The following MUC5B variants were observed in gnomAD, a reference collection of about 807,000 sequenced individuals.
MUC5B encodes the protein mucin 5B, oligomeric mucus/gel-forming, also known as mucin-5B.
Under a neutral mutation model 376.9 loss-of-function variants are expected in MUC5B, and 116 were observed. That is an observed-to-expected ratio of 0.31 (90% CI 0.26 to 0.36). The LOEUF is 0.36. MUC5B is among the 10% of genes least tolerant of loss of function. The probability of loss-of-function intolerance (pLI) is 1.00; values close to 1 mark genes in which losing one functional copy is unlikely to be tolerated. For synonymous variants in MUC5B, 3,517 were observed against 3,390.9 expected (o/e 1.04, Z -1.29); for missense variants, 7,165 against 7,769.9 (o/e 0.92, Z 2.93).
chr11:1,232,226 C>T, intron 15 of MUC5B, 66 bp downstream of exon 15: 3 of 1,495,102 alleles, frequency 2.0e-6, no homozygotes, highest in Non-Finnish European at 2.7e-6. Flanking sequence ...TTCCTGTCCC[C>T]TGGGCCACGG....
chr11:1,260,211 G>A, intron 46 of MUC5B, 126 bp downstream of exon 46: 1 of 1,408,312 alleles, frequency 7.1e-7, no homozygotes, highest in Non-Finnish European at 9.6e-7. Flanking sequence ...CCCCTGCCTG[G>A]GAAGCCCCAC....
In MUC5B at chr11:1,232,733, G is replaced by A. The variant is rs1269996286; in HGVS notation, c.2028G>A (p.Lys676=). 1.2e-6 allele frequency: 2 copies of A among 1,601,752 alleles called. No homozygotes were observed. The highest frequency in any genetic ancestry group is 1.7e-6 in the Non-Finnish European group (2 of 1,174,562). Residue 676 remains lysine, a synonymous_variant, in exon 17 of 49, where the codon AAG becomes AAA. Transcript: ENST00000529681. The part of the protein sequence containing the change: ...LSSYVHACAA[K]GVQLSDWRDG... ...CCTATGTGCACGCCTGTGCCGCCAA[G>A]GGCGTACAGCTCAGCGACTGGAGGG... is the stretch of plus-strand genomic sequence containing the variant.
Position 1,242,098 on chromosome 11 carries a change from C to G in MUC5B, c.5218C>G (p.Pro1740Ala), listed in dbSNP as rs750433104. ...TGTASTASKE[P>A]LTTSLAPTLT... ...CACAGCCAGCACCGCTTCCAAAGAG[C>G]CGCTGACCACGAGCCTGGCGCCAAC... The change falls in exon 31 of 49, where the codon CCG becomes GCG. Residue 1740 changes from proline to alanine, a missense_variant. Pro to Ala is a conservative substitution (Grantham distance 27, BLOSUM62 -1). Coordinates refer to ENST00000529681, the MANE Select transcript of MUC5B (RefSeq NM_002458.3). The G allele has an allele frequency of 1.2e-6, 2 of 1,612,476 alleles. No individual in the cohort carries two copies. Among genetic ancestry groups the G allele is most frequent in the South Asian group, 2.2e-5 (2 of 90,922 alleles).
In MUC5B at chr11:1,234,891, T is replaced by C. The variant is rs1031902097; in HGVS notation, c.2631-194T>C. Among the ~76,000 whole-genome samples the C allele has an allele frequency of 1.4e-4, 21 of 152,014 alleles. No homozygotes were observed. Among genetic ancestry groups the C allele is most frequent in the Admixed American group, 1.1e-3 (17 of 15,272 alleles). On this transcript the variant is annotated intron_variant, in intron 21 of 48. Coordinates refer to ENST00000529681, the MANE Select transcript of MUC5B (RefSeq NM_002458.3). This position sits in a 1 kb window ranked among gnomAD's most constrained non-coding sequence, Gnocchi z 6.3. The stretch of plus-strand genomic sequence containing the variant: ...CTGGAAGGTGGCCCAGGGGCCGTGG[T>C]GCTACCAGGAGCCTGGTGGGGCTGC...
Position 1,233,834 on chromosome 11 carries a change from T to A in MUC5B, c.2363T>A (p.Leu788Gln), listed in dbSNP as rs2133814498. 1 of 1,603,568 alleles carries A rather than the reference T, an allele frequency of 6.2e-7. No individual in the cohort carries two copies. The highest frequency in any genetic ancestry group is 2.3e-5 in the East Asian group (1 of 44,332). Residue 788 changes from leucine (L) to glutamine (Q), a missense_variant, in exon 19 of 49, where the codon CTG (leucine) becomes CAG (glutamine). This residue lies in a region of MUC5B where 530 missense variants were observed against 604.0 expected (regional missense o/e 0.88). Coordinates refer to ENST00000529681, the MANE Select transcript of MUC5B (RefSeq NM_002458.3). ...GGKLSCLGASLQKSTGCAAPM... is the reference protein window; with the variant it reads ...GGKLSCLGASQQKSTGCAAPM... Reference sequence around the variant, plus strand: ...AAGCTAAGCTGCCTGGGAGCCTCTCTGCAGAAAAGCACAGGTAAGTGCCAC... The same window carrying A: ...AAGCTAAGCTGCCTGGGAGCCTCTCAGCAGAAAAGCACAGGTAAGTGCCAC...
In MUC5B at chr11:1,250,814, C is replaced by G. The variant is rs763087878; in HGVS notation, c.13934C>G (p.Thr4645Ser). The G allele has an allele frequency of 5.6e-6, 9 of 1,613,278 alleles. No individual in the cohort carries two copies. Among genetic ancestry groups the G allele is most frequent in the Non-Finnish European group, 7.6e-6 (9 of 1,179,652 alleles). ...STVTPSSIPG[T>S]THTARVLTTT... is the part of the protein sequence containing the mutation. Reference sequence around the variant, plus strand: ...GTGACCCCCTCCTCCATCCCGGGGACCACCCACACCGCCAGAGTGCTGACC... The same window carrying G: ...GTGACCCCCTCCTCCATCCCGGGGAGCACCCACACCGCCAGAGTGCTGACC... Residue 4645 changes from threonine to serine, a missense_variant, in exon 31 of 49, where the codon ACC (threonine) becomes AGC (serine). Thr to Ser is a moderately conservative substitution (Grantham distance 58). Around this residue, in one of 31 missense-constraint regions of MUC5B, gnomAD observed 730 missense variants for 592.7 expected, o/e 1.23. Coordinates refer to ENST00000529681, the MANE Select transcript of MUC5B (RefSeq NM_002458.3).
In MUC5B at chr11:1,232,820, G is replaced by A. The variant is rs549015012; in HGVS notation, c.2065+50G>A. ...ATGTGTCCACACCGCGTGGGGGTGC[G>A]GGGGACCCTGGCCGGCAGCAGCCGT... is the stretch of plus-strand genomic sequence containing the variant. On this transcript the variant is annotated intron_variant, in intron 17 of 48. Transcript: ENST00000529681. 76 of 1,527,618 alleles carry A rather than the reference G, an allele frequency of 5.0e-5. 1 individual carries two copies. In the East Asian group the frequency reaches 6.0e-4, roughly 12 times the overall value. 94.6% of individuals were successfully genotyped at this position (1,527,618 alleles called of 1,614,324 possible).
Position 1,249,363 on chromosome 11 carries a change from C to T in MUC5B, c.12483C>T (p.Ala4161=), listed in dbSNP as rs560797903. ...DFDTYSNIRA[A]GGAVCEQPLG... ...ACACCTACTCCAACATCCGTGCGGC[C>T]GGAGGGGCCGTCTGTGAGCAGCCCC... Residue 4161 remains alanine, a synonymous_variant, in exon 31 of 49, where the codon GCC becomes GCT. Coordinates refer to ENST00000529681, the MANE Select transcript of MUC5B (RefSeq NM_002458.3). The T allele has an allele frequency of 3.7e-4, 598 of 1,610,716 alleles. 1 individual carries two copies. In the Admixed American group the frequency reaches 4.2e-3, roughly 11 times the overall value.
chr11:1,230,806 G>A (rs557262095), intron 12 of MUC5B, 130 bp from the exon 13 acceptor site: 21 of 1,086,582 alleles, frequency 1.9e-5, no homozygotes, highest in African/African-American at 3.2e-5. Flanking sequence ...AGAGCCCACC[G>A]CAGGTCCAGG....
intron 23 of MUC5B, 57 bp from the exon 24 acceptor site, chr11:1,236,329 A>G: frequency 6.5e-7 from 1 of 1,536,382 alleles, no homozygotes. Flanking sequence ...CCTGGGTCTC[A>G]GGCCCCTCCC....
At position 1,240,257 on chromosome 11, in the gene MUC5B, C is replaced by T; in HGVS notation, c.3852C>T (p.Cys1284=). 6.2e-7 allele frequency: 1 copy of T among 1,613,690 alleles called. No homozygotes were observed. Among genetic ancestry groups the T allele is most frequent in the Non-Finnish European group, 8.5e-7 (1 of 1,179,688 alleles). The change falls in exon 30 of 49, where the codon TGC becomes TGT. Residue 1284 remains cysteine (C), a synonymous_variant. Transcript: ENST00000529681. ...IYNTTDGLGA[C]LIAICGSNGT... ...ACACCACCGATGGGCTTGGCGCCTG[C>T]TTGATCGCCATCTGCGGAAGCAACG... is the stretch of plus-strand genomic sequence containing the variant.
chr11:1,237,744 C>T (rs897066158), intron 25 of MUC5B, among the ~76,000 whole-genome samples: 1 of 152,152 alleles, frequency 6.6e-6, no homozygotes, highest in Non-Finnish European at 1.5e-5. Context: ...TGGTGTGTGC[C>T]TGTAATCCCA....
chr11:1,260,204 C>A (rs563808575), intron 46 of MUC5B, 119 bp downstream of exon 46: 5 of 1,431,912 alleles, frequency 3.5e-6, no homozygotes, highest in South Asian at 1.3e-5. Flanking sequence ...GGCCCCACCC[C>A]TGCCTGGGAA....
rs528312869 is a variant in MUC5B at position 1,258,710 on chromosome 11, C to T, written c.16594-232C>T. ...GATTCCTGCCCCCATGGGGTCTCTG[C>T]CCACCCAGATTCCTGCCCACATGGG... On this transcript the variant is annotated intron_variant, in intron 43 of 48. Coordinates refer to ENST00000529681, the MANE Select transcript of MUC5B (RefSeq NM_002458.3). The surrounding 1 kb of genome is among the most constrained non-coding windows in gnomAD (Gnocchi z 5.5). 6.6e-6 allele frequency among the ~76,000 whole-genome samples: 1 copy of T among 152,042 alleles called. No homozygotes were observed. The highest frequency in any genetic ancestry group is 1.9e-4 in the East Asian group (1 of 5,156).
Position 1,247,308 on chromosome 11 carries a change from G to A in MUC5B, c.10428G>A (p.Ser3476=), listed in dbSNP as rs367868062. The change falls in exon 31 of 49, where the codon TCG becomes TCA. Residue 3476 remains serine (S), a synonymous_variant. Transcript: ENST00000529681. ...TVRTAWTSAT[S]GILGTTHITE... is the part of the protein sequence containing the mutation. ...GCACAGCCTGGACTTCGGCCACCTC[G>A]GGCATCTTGGGCACCACCCACATCA... 1.8e-4 allele frequency: 286 copies of A among 1,610,788 alleles called. No individual in the cohort carries two copies. Among genetic ancestry groups the A allele is most frequent in the African/African-American group, 9.9e-4 (74 of 74,514 alleles).
Position 1,239,847 on chromosome 11 carries a change from A to G in MUC5B, c.3632A>G (p.Gln1211Arg). Residue 1211 changes from glutamine to arginine, a missense_variant, in exon 28 of 49, where the codon CAG becomes CGG. By Grantham distance (43) the Gln-to-Arg change is conservative. This residue lies in a region of MUC5B where 517 missense variants were observed against 545.3 expected (regional missense o/e 0.95). Transcript: ENST00000529681. ...PPSQPFFNED[Q>R]MKCVAQCGCY... ...AGCCAGCCCTTCTTCAATGAGGACCAGATGAAGTGCGTGGCCCAGTGTGGC... is the reference window on the plus strand; with the variant it reads ...AGCCAGCCCTTCTTCAATGAGGACCGGATGAAGTGCGTGGCCCAGTGTGGC... 1.9e-6 allele frequency: 3 copies of G among 1,613,162 alleles called. No homozygotes were observed. The highest frequency in any genetic ancestry group is 2.5e-6 in the Non-Finnish European group (3 of 1,179,588).
chr11:1,237,875 A>C (rs1862191921), intron 25 of MUC5B, among the ~76,000 whole-genome samples: 1 of 152,246 alleles, frequency 6.6e-6, no homozygotes, highest in South Asian at 2.1e-4. Context: ...GTCTCAAAAC[A>C]AAACAACAAA....
rs372605949 is a variant in MUC5B at position 1,223,462 on chromosome 11, C to T, written c.70+269C>T. ...CAGGGCAAGGCCCCTGGGAGACCACCGAAAGGGTCTTGGTCTTGGGGGTGG... is the reference window on the plus strand; with the variant it reads ...CAGGGCAAGGCCCCTGGGAGACCACTGAAAGGGTCTTGGTCTTGGGGGTGG... On this transcript the variant is annotated intron_variant, in intron 1 of 48. Transcript: ENST00000529681. 3.8e-5 allele frequency: 20 copies of T among 532,364 alleles called. No homozygotes were observed. The Middle Eastern group carries it at 1.2e-3, about 33-fold the overall frequency. 33.0% of individuals were successfully genotyped at this position (532,364 alleles called of 1,614,324 possible). A position where few individuals can be genotyped will look rare whatever the true frequency, so the allele number is the denominator to read the frequency against.
rs1862898076 is a variant in MUC5B at position 1,258,255 on chromosome 11, G to A, written c.16555+52G>A. The A allele has an allele frequency of 6.3e-7, 1 of 1,578,476 alleles. No homozygotes were observed. Among genetic ancestry groups the A allele is most frequent in the Non-Finnish European group, 8.6e-7 (1 of 1,161,842 alleles). On this transcript the variant is annotated intron_variant, in intron 42 of 48. Transcript: ENST00000529681. This position sits in a 1 kb window ranked among gnomAD's most constrained non-coding sequence, Gnocchi z 5.5. ...GGGTGGCCTCTTGCTGGGGGTGGGGGAGTGCAGGATGGTGGGGGCGCTGGA... is the reference window on the plus strand; with the variant it reads ...GGGTGGCCTCTTGCTGGGGGTGGGGAAGTGCAGGATGGTGGGGGCGCTGGA...
Sources: gnomAD v4.1 joint callset for allele counts (sites outside exome capture counted in the v4.1 genomes callset) on GRCh38, gnomAD v4.1.1 for gene constraint, gnomAD v4.1.1 regional missense constraint, Gnocchi (gnomAD v3.1) non-coding constraint, MANE v1.5 for transcripts, NCBI Gene and HGNC (gene_info 2026-07-23, HGNC 2026-07-21) for gene names.